Variants in NKAIN3 observed in about 807,000 individuals in gnomAD.
NKAIN3 encodes sodium/potassium transporting ATPase interacting 3, also known as sodium/potassium-transporting ATPase subunit beta-1-interacting protein 3.
NKAIN3 carries 25 observed loss-of-function variants against 30.2 expected under a neutral mutation model. The ratio of observed to expected loss-of-function variants is 0.83; its 90% CI spans 0.60 to 1.16. The LOEUF is 1.16. Ranked by LOEUF, NKAIN3 falls within the 50% of genes most tolerant of loss-of-function variation. The pLI, the probability that NKAIN3 is intolerant of heterozygous loss-of-function variation, is 0.00. For synonymous variants in NKAIN3, 91 were observed against 89.6 expected (o/e 1.02, Z -0.09); for missense variants, 225 against 254.1 (o/e 0.89, Z 0.78).
intron 1 of NKAIN3, among the ~76,000 whole-genome samples, chr8:62,273,792 T>G (rs1812845144): frequency 6.6e-6 from 1 of 152,218 alleles, no homozygotes; most frequent in African/African-American, 2.4e-5. Flanking sequence ...AAATGGGGCT[T>G]TCATTCCTTT....
chr8:62,494,040 G>GC (rs1401932865), intron 1 of NKAIN3, among the ~76,000 whole-genome samples: 2 of 151,988 alleles, frequency 1.3e-5, no homozygotes, highest in Non-Finnish European at 2.9e-5. Flanking sequence ...GATTGCTCTG[G>GC]CCACGACTTC....
chr8:62,542,768 G>C (rs553310199), intron 1 of NKAIN3, among the ~76,000 whole-genome samples: 10 of 152,276 alleles, frequency 6.6e-5, no homozygotes, highest in Admixed American at 6.5e-4. Flanking sequence ...ACATAAGAAA[G>C]AGTCCTCCAT....
chr8:62,539,851 A>G (rs1207231768), intron 1 of NKAIN3, among the ~76,000 whole-genome samples: 1 of 152,114 alleles, frequency 6.6e-6, no homozygotes, highest in East Asian at 1.9e-4. Flanking sequence ...AAGTGTTGGG[A>G]TTCAGGCATG....
intron 1 of NKAIN3, among the ~76,000 whole-genome samples, chr8:62,561,153 C>T (rs921963866): frequency 5.3e-5 from 8 of 152,068 alleles, no homozygotes; most frequent in African/African-American, 1.9e-4. Context: ...ATTGACATTT[C>T]TGAGTTACCA....
chr8:62,482,078 C>T (rs192251164), intron 1 of NKAIN3: 3 of 152,314 alleles, frequency 2.0e-5, no homozygotes, highest in Admixed American at 6.5e-5. Context: ...ATCTCCCTAT[C>T]GTCACTTCTA....
chr8:62,629,143 G>A, intron 3 of NKAIN3, among the ~76,000 whole-genome samples: 1 of 152,132 alleles, frequency 6.6e-6, no homozygotes, highest in East Asian at 1.9e-4. Flanking sequence ...TCCCTGATGG[G>A]AAGTAATCAG....
At chr8:62,345,754 C>G (rs1815984415) in intron 1 of NKAIN3, among the ~76,000 whole-genome samples, 1 of 151,548 alleles carries the variant, frequency 6.6e-6, no homozygotes, top group South Asian at 2.1e-4. Flanking sequence ...TGGGGATATC[C>G]TATACTTTAC....
chr8:62,702,673 T>C (rs1356593708), intron 3 of NKAIN3, among the ~76,000 whole-genome samples: 6 of 152,188 alleles, frequency 3.9e-5, no homozygotes, highest in Admixed American at 1.3e-4. Context: ...TTGTAAATTA[T>C]GTCACCAACA....
At chr8:62,608,977 G>T (rs932545064) in intron 3 of NKAIN3, among the ~76,000 whole-genome samples, 1 of 152,080 alleles carries the variant, frequency 6.6e-6, no homozygotes, top group African/African-American at 2.4e-5. Flanking sequence ...AATAATTGTG[G>T]CAGCATAACA....
intron 4 of NKAIN3, among the ~76,000 whole-genome samples, chr8:62,808,311 G>A (rs892188923): frequency 3.9e-5 from 6 of 152,030 alleles, no homozygotes; most frequent in African/African-American, 1.2e-4. Flanking sequence ...TTGTTACTCC[G>A]AATGTCTTTA....
intron 3 of NKAIN3, among the ~76,000 whole-genome samples, chr8:62,601,709 A>G (rs1810988586): frequency 6.6e-6 from 1 of 152,042 alleles, no homozygotes; most frequent in Non-Finnish European, 1.5e-5. Flanking sequence ...CAGGTACTAA[A>G]TCTAAATGAG....
chr8:62,741,570 A>C (rs1208875147), intron 3 of NKAIN3, among the ~76,000 whole-genome samples: 1 of 152,156 alleles, frequency 6.6e-6, no homozygotes, highest in South Asian at 2.1e-4. Context: ...CTCCACCAAC[A>C]ACCTGTATTA....
intron 1 of NKAIN3, among the ~76,000 whole-genome samples, chr8:62,455,203 C>G (rs1805775281): frequency 6.6e-6 from 1 of 152,184 alleles, no homozygotes; most frequent in Non-Finnish European, 1.5e-5. Flanking sequence ...ATGGCTAGCT[C>G]TGTTCTACGA....
chr8:62,365,600 A>G (rs2351668), intron 1 of NKAIN3, among the ~76,000 whole-genome samples: 147,578 of 152,246 alleles, frequency 0.97, 71,584 homozygotes, highest in East Asian at 1. Flanking sequence ...TATGCATATC[A>G]TCTTGTACAC....
In NKAIN3 at chr8:62,835,347, C is replaced by T. The variant is rs369438556; in HGVS notation, c.472-83106C>T. Among the ~76,000 whole-genome samples the T allele has an allele frequency of 3.4e-4, 51 of 151,974 alleles. 1 individual carries two copies. In the South Asian group the frequency reaches 8.9e-3, roughly 27 times the overall value. On this transcript the variant is annotated intron_variant, in intron 4 of 6. Coordinates refer to ENST00000623646, the MANE Select transcript of NKAIN3 (RefSeq NM_001304533.3). ...GGACCTAATTAAACTAAAGAGCTTC[C>T]GCACAACAAAAGATACTATTGACGG...
chr8:62,481,855 C>T (rs1806732452), intron 1 of NKAIN3, among the ~76,000 whole-genome samples: 1 of 152,138 alleles, frequency 6.6e-6, no homozygotes. Context: ...AGACTCCATT[C>T]AATTGAAAAT....
intron 3 of NKAIN3, among the ~76,000 whole-genome samples, chr8:62,604,201 A>G (rs1811057543): frequency 6.6e-6 from 1 of 152,176 alleles, no homozygotes; most frequent in Admixed American, 6.6e-5. Context: ...GGCTGGTCCC[A>G]GTAGAGGCCA....
At chr8:62,824,357 C>T (rs1480007676) in intron 4 of NKAIN3, among the ~76,000 whole-genome samples, 2 of 152,120 alleles carry the variant, frequency 1.3e-5, no homozygotes, top group African/African-American at 4.8e-5. Context: ...CTCATTGTTT[C>T]TCCTATCCAT....
At chr8:62,963,233 A>G (rs1823620627) in intron 6 of NKAIN3, among the ~76,000 whole-genome samples, 1 of 152,182 alleles carries the variant, frequency 6.6e-6, no homozygotes, top group African/African-American at 2.4e-5. Context: ...ATAAAACCTA[A>G]CACAGGTTTG....
Sources: gnomAD v4.1 joint callset for allele counts (sites outside exome capture counted in the v4.1 genomes callset) on GRCh38, gnomAD v4.1.1 for gene constraint, MANE v1.5 for transcripts, NCBI Gene and HGNC (gene_info 2026-07-23, HGNC 2026-07-21) for gene names.